EYS: variants seen among roughly 807,000 people sequenced by gnomAD.
EYS encodes the protein protein eyes shut homolog.
EYS carries 250 observed loss-of-function variants against 282.1 expected under a neutral mutation model. The observed-to-expected ratio is 0.89, with a 90% CI of 0.80 to 0.98. EYS has a LOEUF of 0.98. Ranked by LOEUF, EYS falls within the 50% of genes least tolerant of loss-of-function variation. The pLI is 0.00. For missense variants in EYS, 4,016 were observed against 3,709.0 expected, an observed-to-expected ratio of 1.08 and a Z score of -2.15; for synonymous variants, 1,355 against 1,282.9, an observed-to-expected ratio of 1.06 and a Z score of -1.20.
intron 26 of EYS, among the ~76,000 whole-genome samples, chr6:64,570,384 C>T (rs1765687906): frequency 6.6e-6 from 1 of 152,176 alleles, no homozygotes; most frequent in Non-Finnish European, 1.5e-5. Flanking sequence ...ACTGCATCAA[C>T]TAACAGGCAA....
At chr6:64,481,206 AT>A (rs1461346018) in intron 26 of EYS, among the ~76,000 whole-genome samples, 2 of 149,674 alleles carry the variant, frequency 1.3e-5, no homozygotes, top group Non-Finnish European at 3.0e-5. Flanking sequence ...TATATATGAT[AT>A]ATATATGATT....
intron 26 of EYS, among the ~76,000 whole-genome samples, chr6:64,444,852 G>A (rs1333135599): frequency 1.3e-5 from 2 of 152,124 alleles, no homozygotes; most frequent in Non-Finnish European, 2.9e-5. Flanking sequence ...AAAAGAGTGT[G>A]GTACTTCCTT....
At chr6:63,842,415 A>G (rs1175932366) in intron 36 of EYS, among the ~76,000 whole-genome samples, 3 of 152,080 alleles carry the variant, frequency 2.0e-5, no homozygotes, top group African/African-American at 7.2e-5. Flanking sequence ...CTTCTTTTGA[A>G]AAGTGTCTGT....
At chr6:63,863,675 C>CTTTTCTTTTCTTTTCTTTTT in intron 36 of EYS, among the ~76,000 whole-genome samples, 1 of 60,058 alleles carries the variant, frequency 1.7e-5, no homozygotes, top group Middle Eastern at 8.6e-3. Flanking sequence ...TTTCTTTTTT[C>CTTTTCTTTTCTTTTCTTTTT]TTTTTTTTTT....
intron 21 of EYS, chr6:64,815,229 G>C (rs550730876): frequency 6.5e-6 from 3 of 463,006 alleles, no homozygotes; most frequent in African/African-American, 6.0e-5. Flanking sequence ...TGCTGAAAAC[G>C]TGAACTTGTT....
At chr6:64,551,210 A>G (rs1276771458) in intron 26 of EYS, among the ~76,000 whole-genome samples, 5 of 149,644 alleles carry the variant, frequency 3.3e-5, no homozygotes, top group African/African-American at 1.2e-4. Context: ...ACACATATAT[A>G]TATATACATA....
chr6:65,405,280 G>T lies in EYS; in HGVS notation c.950C>A (p.Thr317Asn). 6.2e-7 allele frequency: 1 copy of T among 1,612,912 alleles called. No individual in the cohort carries two copies. Among genetic ancestry groups the T allele is most frequent in the Non-Finnish European group, 8.5e-7 (1 of 1,179,414 alleles). The change falls in exon 6 of 43, where the codon ACT becomes AAT. Residue 317 changes from threonine (T) to asparagine (N), a missense_variant. Coordinates refer to ENST00000503581, the MANE Select transcript of EYS (RefSeq NM_001142800.2). Reference protein sequence around the residue: ...GICPNSSSAYTYECPKGSSSQ... With the variant: ...GICPNSSSAYNYECPKGSSSQ... ...GGAAGATCCTTTTGGGCATTCATAA[G>T]TATAAGCAGAACTGCTATTTGGGCA... is the stretch of plus-strand genomic sequence containing the variant.
chr6:65,115,343 T>C (rs1775335693), intron 12 of EYS, among the ~76,000 whole-genome samples: 1 of 152,110 alleles, frequency 6.6e-6, no homozygotes. Flanking sequence ...TCTTTATCAC[T>C]CACTGTTTTG....
At chr6:64,545,960 A>G (rs1047569867) in intron 26 of EYS, among the ~76,000 whole-genome samples, 5 of 152,218 alleles carry the variant, frequency 3.3e-5, no homozygotes, top group Admixed American at 2.0e-4. Flanking sequence ...GGTAATTTAT[A>G]GATTCAATGC....
intron 14 of EYS, among the ~76,000 whole-genome samples, chr6:64,975,855 C>T (rs945013788): frequency 6.6e-6 from 1 of 151,356 alleles, no homozygotes; most frequent in Admixed American, 6.6e-5. Context: ...AAATGAAATG[C>T]CTATTTAAAT....
intron 22 of EYS, among the ~76,000 whole-genome samples, chr6:64,774,854 T>C (rs1021327244): frequency 6.6e-6 from 1 of 152,084 alleles, no homozygotes; most frequent in Admixed American, 6.6e-5. Context: ...CTTGCCTTTT[T>C]CTGATATTTG....
intron 21 of EYS, among the ~76,000 whole-genome samples, chr6:64,818,782 C>A (rs1562208067): frequency 2.1e-5 from 1 of 48,688 alleles, no homozygotes; most frequent in Non-Finnish European, 3.9e-5. Flanking sequence ...TGTACCCACT[C>A]AAACCCACTC....
intron 8 of EYS, among the ~76,000 whole-genome samples, chr6:65,365,017 T>A (rs1257598131): frequency 1.3e-5 from 2 of 151,610 alleles, no homozygotes; most frequent in Non-Finnish European, 2.9e-5. Flanking sequence ...AAAGGATTTT[T>A]TTGTGAGTTG....
chr6:65,165,291 T>G (rs1764947042), intron 12 of EYS, among the ~76,000 whole-genome samples: 3 of 124,208 alleles, frequency 2.4e-5, no homozygotes, highest in South Asian at 4.9e-4. Context: ...TTTCTTTGTT[T>G]TTTTTTTTTA....
At chr6:64,944,165 T>TA (rs1769193978) in intron 15 of EYS, among the ~76,000 whole-genome samples, 1 of 152,084 alleles carries the variant, frequency 6.6e-6, no homozygotes, top group African/African-American at 2.4e-5. Flanking sequence ...TGGCTGTCCA[T>TA]ATGCAGAGGA....
At chr6:65,515,567 T>C (rs1326583944) in intron 2 of EYS, among the ~76,000 whole-genome samples, 1 of 151,540 alleles carries the variant, frequency 6.6e-6, no homozygotes, top group African/African-American at 2.4e-5. Context: ...ATAGACTGGA[T>C]TAAGAAAATG....
chr6:65,447,956 T>A (rs984582319), intron 5 of EYS, among the ~76,000 whole-genome samples: 1 of 152,072 alleles, frequency 6.6e-6, no homozygotes, highest in Non-Finnish European at 1.5e-5. Context: ...TCAGTTTGCC[T>A]GTGATGTAGT....
intron 31 of EYS, among the ~76,000 whole-genome samples, chr6:64,223,747 G>A (rs974783275): frequency 2.6e-5 from 4 of 151,912 alleles, no homozygotes; most frequent in Non-Finnish European, 4.4e-5. Context: ...GGGTATACAC[G>A]TAATGTATAT....
At chr6:64,451,152 G>A (rs1462571147) in intron 26 of EYS, among the ~76,000 whole-genome samples, 3 of 151,956 alleles carry the variant, frequency 2.0e-5, no homozygotes, top group Admixed American at 2.0e-4. Context: ...TCAAATAGAT[G>A]CAATAAAAAA....
Sources: allele counts gnomAD v4.1 joint callset (sites outside exome capture counted in the v4.1 genomes callset), GRCh38; gene constraint gnomAD v4.1.1; transcripts MANE v1.5; gene names NCBI Gene and HGNC (gene_info 2026-07-23, HGNC 2026-07-21).